Variants in SCMH1 observed in about 807,000 individuals in gnomAD.
The protein encoded by SCMH1 is polycomb protein SCMH1.
A neutral mutation model predicts 70.8 loss-of-function variants in SCMH1; 37 were observed. The observed-to-expected ratio is 0.52, with a 90% CI of 0.40 to 0.69. The LOEUF is 0.69. Ranked by LOEUF, SCMH1 falls within the 30% of genes least tolerant of loss-of-function variation. The pLI is 0.00. For synonymous variants in SCMH1, 292 were observed against 307.4 expected, an observed-to-expected ratio of 0.95 and a Z score of 0.52; for missense variants, 607 against 827.3, an observed-to-expected ratio of 0.73 and a Z score of 3.27.
intron 7 of SCMH1, among the ~76,000 whole-genome samples, chr1:41,115,729 TAGTTTATGCC>T (rs1670302247): frequency 6.6e-6 from 1 of 152,260 alleles, no homozygotes; most frequent in African/African-American, 2.4e-5. Flanking sequence ...GATTTCCGTA[TAGTTTATGCC>T]AGCTTTATTT....
At chr1:41,080,588 A>G (rs1032374683) in intron 8 of SCMH1, among the ~76,000 whole-genome samples, 18 of 152,160 alleles carry the variant, frequency 1.2e-4, no homozygotes, top group African/African-American at 4.3e-4. Context: ...ACTAAGTGGG[A>G]TTTATTTCAG....
intron 5 of SCMH1, among the ~76,000 whole-genome samples, chr1:41,146,562 AC>A (rs1347527284): frequency 6.6e-6 from 1 of 151,514 alleles, no homozygotes; most frequent in Non-Finnish European, 1.5e-5. Context: ...TTTTTACTGT[AC>A]CTTTTCCATG....
chr1:41,095,618 T>C lies in SCMH1; in HGVS notation c.745+17665A>G, dbSNP rs77435164. 6.0e-3 allele frequency among the ~76,000 whole-genome samples: 914 copies of C among 152,336 alleles called. 4 individuals carry two copies. The highest frequency in any genetic ancestry group is 0.02 in the Middle Eastern group (6 of 294). ...TGCTGGAAGCAGGAAAATGTGCCAT[T>C]CTGATGCTATATTCTGGTCGATTTT... On this transcript the variant is annotated intron_variant, in intron 8 of 14. Coordinates refer to ENST00000337495, the Ensembl canonical transcript of SCMH1.
In SCMH1 at chr1:41,061,637, T is replaced by C. The variant is rs556995260; in HGVS notation, c.1105+8958A>G. Among the ~76,000 whole-genome samples the C allele has an allele frequency of 9.2e-5, 14 of 152,298 alleles. No homozygotes were observed. In the South Asian group the frequency reaches 2.3e-3, roughly 25 times the overall value. On this transcript the variant is annotated intron_variant, in intron 10 of 14. Transcript: ENST00000337495. ...TAAATCCACTATTATAGTTGGAGACTTCAACACCCCCCATCAGAAATGGAC... is the reference window on the plus strand; with the variant it reads ...TAAATCCACTATTATAGTTGGAGACCTCAACACCCCCCATCAGAAATGGAC...
At chr1:41,198,195 G>A (rs1239472712) in intron 1 of SCMH1, among the ~76,000 whole-genome samples, 1 of 152,142 alleles carries the variant, frequency 6.6e-6, no homozygotes, top group Non-Finnish European at 1.5e-5. Flanking sequence ...ATTACTGATC[G>A]CTGATGAAGT....
intron 9 of SCMH1, among the ~76,000 whole-genome samples, chr1:41,074,592 C>T (rs1365015010): frequency 6.6e-6 from 1 of 152,018 alleles, no homozygotes; most frequent in African/African-American, 2.4e-5. Context: ...TGCTTTCTGT[C>T]TACACGCTGG....
At chr1:41,159,376 T>C (rs1557694667) in intron 4 of SCMH1, among the ~76,000 whole-genome samples, 1 of 152,196 alleles carries the variant, frequency 6.6e-6, no homozygotes, top group Non-Finnish European at 1.5e-5. Flanking sequence ...GCTACAATTG[T>C]TATTATCATT....
At chr1:41,192,091 T>C (rs1651847588) in intron 1 of SCMH1, among the ~76,000 whole-genome samples, 1 of 152,192 alleles carries the variant, frequency 6.6e-6, no homozygotes, top group Admixed American at 6.6e-5. Context: ...TGTATCTTAC[T>C]GTATGACTAT....
intron 6 of SCMH1, among the ~76,000 whole-genome samples, chr1:41,124,615 T>G (rs1672735968): frequency 1.3e-5 from 2 of 151,934 alleles, no homozygotes; most frequent in Non-Finnish European, 2.9e-5. Flanking sequence ...ATTTATTTAT[T>G]TATTTATTTT....
At chr1:41,236,283 T>G (rs952032899) in intron 1 of SCMH1, among the ~76,000 whole-genome samples, 2 of 152,246 alleles carry the variant, frequency 1.3e-5, no homozygotes. Flanking sequence ...TTCACCTCTC[T>G]TCTTTGGGAT....
chr1:41,216,811 A>G (rs1658186412), intron 1 of SCMH1, among the ~76,000 whole-genome samples: 1 of 152,212 alleles, frequency 6.6e-6, no homozygotes, highest in African/African-American at 2.4e-5. Flanking sequence ...TCAGTTTCCC[A>G]GGGCTGCTGT....
At chr1:41,075,608 A>C (rs1658049220) in intron 8 of SCMH1, among the ~76,000 whole-genome samples, 157 bp from the exon 9 acceptor site, 1 of 152,224 alleles carries the variant, frequency 6.6e-6, no homozygotes, top group South Asian at 2.1e-4. Context: ...TCTCTGAAGA[A>C]GACTGAATTT....
At chr1:41,033,619 T>C (rs1644861451) in intron 13 of SCMH1, among the ~76,000 whole-genome samples, 1 of 152,184 alleles carries the variant, frequency 6.6e-6, no homozygotes, top group Admixed American at 6.5e-5. Context: ...GTTGTCTCAG[T>C]CTGAGCATGA....
intron 1 of SCMH1, among the ~76,000 whole-genome samples, chr1:41,209,166 GA>G (rs1211214921): frequency 6.6e-6 from 1 of 152,148 alleles, no homozygotes; most frequent in Non-Finnish European, 1.5e-5. Flanking sequence ...ACTAAACCAG[GA>G]AGAAGTTGAA....
chr1:41,046,458 A>G (rs777661150), exon 12 of SCMH1: 1 of 1,614,194 alleles, frequency 6.2e-7, no homozygotes, highest in Admixed American at 1.7e-5. Flanking sequence ...GTGAGTGACA[A>G]GTGAGTCTGT....
chr1:41,192,553 A>T, intron 1 of SCMH1, among the ~76,000 whole-genome samples: 1 of 151,384 alleles, frequency 6.6e-6, no homozygotes, highest in East Asian at 1.9e-4. Context: ...GGCACATAGT[A>T]AACACTCAGT....
intron 1 of SCMH1, among the ~76,000 whole-genome samples, chr1:41,238,951 A>G (rs1300863193): frequency 6.6e-6 from 1 of 152,180 alleles, no homozygotes; most frequent in Non-Finnish European, 1.5e-5. Context: ...CAAAAACCTG[A>G]GCATCACACG....
At chr1:41,217,970 A>T (rs1005836521) in intron 1 of SCMH1, among the ~76,000 whole-genome samples, 1 of 152,174 alleles carries the variant, frequency 6.6e-6, no homozygotes, top group Non-Finnish European at 1.5e-5. Context: ...TTACCATTGT[A>T]TCTTGGAAGC....
intron 8 of SCMH1, among the ~76,000 whole-genome samples, chr1:41,112,632 A>G (rs2147851677): frequency 6.6e-6 from 1 of 152,278 alleles, no homozygotes; most frequent in South Asian, 2.1e-4. Context: ...AGCAGCAGTA[A>G]TACAATAAAA....
Sources: allele counts gnomAD v4.1 joint callset (sites outside exome capture counted in the v4.1 genomes callset), GRCh38; gene constraint gnomAD v4.1.1; transcripts MANE v1.5; gene names NCBI Gene and HGNC (gene_info 2026-07-23, HGNC 2026-07-21).